The following STK35 variants were observed in gnomAD, a reference collection of about 807,000 sequenced individuals.
STK35 encodes serine/threonine kinase 35, also known as serine/threonine-protein kinase 35.
Under a neutral mutation model 37.3 loss-of-function variants are expected in STK35, and 17 were observed. That is an observed-to-expected ratio of 0.46 (90% CI 0.31 to 0.68). STK35 has a LOEUF of 0.68. Ranked by LOEUF, STK35 falls within the 30% of genes least tolerant of loss-of-function variation. The pLI is 0.05. For missense variants in STK35, 595 were observed against 746.7 expected (o/e 0.80, Z 2.37); for synonymous variants, 385 against 319.1 (o/e 1.21, Z -2.20).
intron 2 of STK35, among the ~76,000 whole-genome samples, chr20:2,110,761 G>A (rs543736459): frequency 1.3e-5 from 2 of 152,278 alleles, no homozygotes; most frequent in Non-Finnish European, 2.9e-5. Context: ...TGTGTGGTTG[G>A]ACCATCACGA....
Position 2,102,755 on chromosome 20 carries a change from C to T in STK35, c.295-13C>T, listed in dbSNP as rs1985421763. ...CCTTGGCCTGGCCGTTTAACCGATTCTTTCGCCCGCAGGTCACAATCCAAG... is the reference window on the plus strand; with the variant it reads ...CCTTGGCCTGGCCGTTTAACCGATTTTTTCGCCCGCAGGTCACAATCCAAG... On this transcript the variant is annotated splice_polypyrimidine_tract_variant and intron_variant, in intron 1 of 3. Transcript: ENST00000381482. 1.4e-6 allele frequency: 2 copies of T among 1,416,780 alleles called. No homozygotes were observed. The highest frequency in any genetic ancestry group is 1.4e-5 in the South Asian group (1 of 71,032). The allele number at this position is 1,416,780 out of a possible 1,614,324, so 87.8% of individuals were successfully genotyped here. A position where few individuals can be genotyped will look rare whatever the true frequency, so the allele number is the denominator to read the frequency against.
Position 2,135,269 on chromosome 20 carries a change from G to A in STK35, c.*38-8515G>A, listed in dbSNP as rs1053416912. 5.3e-5 allele frequency among the ~76,000 whole-genome samples: 8 copies of A among 152,312 alleles called. No homozygotes were observed. In the East Asian group the frequency reaches 5.8e-4, roughly 11 times the overall value. On this transcript the variant is annotated intron_variant, in intron 3 of 3. Transcript: ENST00000381482. ...AGAATCCGTGGGACTGGCTTCCTCT[G>A]GATACACTTAAGTGGGTGAACAGAA... is the stretch of plus-strand genomic sequence containing the variant.
At chr20:2,109,939 C>T (rs1242987056) in intron 2 of STK35, among the ~76,000 whole-genome samples, 5 of 152,268 alleles carry the variant, frequency 3.3e-5, no homozygotes, top group African/African-American at 1.2e-4. Flanking sequence ...TGGGTTTACT[C>T]TTGTCCTCTT....
At chr20:2,139,602 T>TCGCG in intron 3 of STK35, among the ~76,000 whole-genome samples, 1 of 152,302 alleles carries the variant, frequency 6.6e-6, no homozygotes, top group South Asian at 2.1e-4. Flanking sequence ...CTCTCTGAGC[T>TCGCG]TCAGTTTTCT....
At chr20:2,126,103 C>G (rs1985900450) in intron 3 of STK35, among the ~76,000 whole-genome samples, 1 of 152,206 alleles carries the variant, frequency 6.6e-6, no homozygotes, top group Admixed American at 6.5e-5. Flanking sequence ...AATCTTCCAG[C>G]TCACTCACTG....
At chr20:2,116,458 C>A (rs1985718641) in intron 2 of STK35, among the ~76,000 whole-genome samples, 1 of 152,306 alleles carries the variant, frequency 6.6e-6, no homozygotes, top group South Asian at 2.1e-4. Flanking sequence ...GAGTTTCCAC[C>A]TGGGCCTCAT....
intron 3 of STK35, among the ~76,000 whole-genome samples, chr20:2,128,475 C>T (rs889173489): frequency 1.3e-5 from 2 of 152,116 alleles, no homozygotes; most frequent in Admixed American, 6.5e-5. Flanking sequence ...TCTGTCCTGG[C>T]GTGTTCCTAG....
intron 3 of STK35, among the ~76,000 whole-genome samples, chr20:2,136,907 G>A (rs558586394): frequency 6.6e-6 from 1 of 152,196 alleles, no homozygotes; most frequent in Admixed American, 6.5e-5. Context: ...CTCTGGGAGT[G>A]TTTCCTGGGG....
chr20:2,132,686 C>T (rs1036215481), intron 3 of STK35, among the ~76,000 whole-genome samples: 8 of 152,218 alleles, frequency 5.3e-5, no homozygotes, highest in Non-Finnish European at 7.3e-5. Flanking sequence ...CATGGGAAGG[C>T]GGTAAGGGTA....
chr20:2,108,514 AAAAG>A (rs1267746844), intron 2 of STK35, among the ~76,000 whole-genome samples: 12 of 152,204 alleles, frequency 7.9e-5, no homozygotes, highest in Non-Finnish European at 1.5e-4. Flanking sequence ...TCTCCAAAAA[AAAAG>A]AAAGAAACTA....
At chr20:2,110,925 A>G (rs977521879) in intron 2 of STK35, among the ~76,000 whole-genome samples, 2 of 152,196 alleles carry the variant, frequency 1.3e-5, no homozygotes, top group Non-Finnish European at 2.9e-5. Flanking sequence ...CCTGCCCTCA[A>G]CTAGGCAAGT....
chr20:2,143,852 C>G lies in STK35; in HGVS notation c.*106C>G, dbSNP rs1254434929. The G allele has an allele frequency of 2.3e-6, 1 of 441,008 alleles. No homozygotes were observed. Among genetic ancestry groups the G allele is most frequent in the African/African-American group, 2.0e-5 (1 of 48,842 alleles). The allele number at this position is 441,008 out of a possible 1,614,324, so 27.3% of individuals were successfully genotyped here. A position where few individuals can be genotyped will look rare whatever the true frequency, so the allele number is the denominator to read the frequency against. On this transcript the variant is annotated 3_prime_UTR_variant, in exon 4 of 4. Coordinates refer to ENST00000381482, the MANE Select transcript of STK35 (RefSeq NM_080836.4). ...GGACGGCAGAGGGTACAGGTGGTGG[C>G]CTGGCCGGTTGGCGATCTCCCGACA...
chr20:2,125,583 C>G (rs574634301), intron 3 of STK35, among the ~76,000 whole-genome samples: 1 of 152,342 alleles, frequency 6.6e-6, no homozygotes, highest in African/African-American at 2.4e-5. Flanking sequence ...TAGTACCATA[C>G]AGTAAAGCAG....
At chr20:2,118,311 A>T (rs76685481) in intron 3 of STK35, among the ~76,000 whole-genome samples, 1,619 of 152,330 alleles carry the variant, frequency 0.011, 23 homozygotes, top group African/African-American at 0.034. Context: ...GTGAATATTT[A>T]TGTAGAAGTC....
intron 2 of STK35, among the ~76,000 whole-genome samples, chr20:2,107,374 T>C (rs1361590298): frequency 5.9e-5 from 9 of 152,220 alleles, no homozygotes; most frequent in Admixed American, 5.9e-4. Context: ...AAGACACTAA[T>C]TGTTCTTTAC....
At position 2,146,793 on chromosome 20, in the gene STK35, G is replaced by A. The variant is rs1307114492; in HGVS notation, c.*3047G>A. On this transcript the variant is annotated 3_prime_UTR_variant, in exon 4 of 4. Coordinates refer to ENST00000381482, the MANE Select transcript of STK35 (RefSeq NM_080836.4). ...ACCAGGGCACTCACTCGCAGCTATAGCCCAGGACAGAAAAACTGTGCTTTG... is the reference window on the plus strand; with the variant it reads ...ACCAGGGCACTCACTCGCAGCTATAACCCAGGACAGAAAAACTGTGCTTTG... 1 of 152,614 alleles carries A rather than the reference G, an allele frequency of 6.6e-6. No homozygotes were observed. The highest frequency in any genetic ancestry group is 6.5e-5 in the Admixed American group (1 of 15,272). 9.5% of individuals were successfully genotyped at this position (152,614 alleles called of 1,614,324 possible). A position where few individuals can be genotyped will look rare whatever the true frequency, so the allele number is the denominator to read the frequency against.
Position 2,115,847 on chromosome 20 carries a change from G to A in STK35, c.893-819G>A, listed in dbSNP as rs555967023. ...TGATCTACTGCCTGCCTTTTACAGG[G>A]TAAGTTCAGTCCTGCCCCCTCTGAC... On this transcript the variant is annotated intron_variant, in intron 2 of 3. Coordinates refer to ENST00000381482, the MANE Select transcript of STK35 (RefSeq NM_080836.4). 2.7e-5 allele frequency among the ~76,000 whole-genome samples: 4 copies of A among 150,192 alleles called. No homozygotes were observed. The East Asian group carries it at 5.8e-4, about 22-fold the overall frequency.
chr20:2,129,005 A>G (rs934151851), intron 3 of STK35, among the ~76,000 whole-genome samples: 2 of 152,116 alleles, frequency 1.3e-5, no homozygotes, highest in Admixed American at 1.3e-4. Context: ...TCATATTTTT[A>G]TTAGAGACAG....
intron 3 of STK35, among the ~76,000 whole-genome samples, chr20:2,135,389 C>T (rs1448509376): frequency 2.0e-5 from 3 of 152,128 alleles, no homozygotes; most frequent in African/African-American, 4.8e-5. Context: ...CTGCCCCAGC[C>T]GCCTCTTTCA....
Sources: allele counts gnomAD v4.1 joint callset (sites outside exome capture counted in the v4.1 genomes callset), GRCh38; gene constraint gnomAD v4.1.1; transcripts MANE v1.5; gene names NCBI Gene and HGNC (gene_info 2026-07-23, HGNC 2026-07-21).